SFMBT2: variants seen among roughly 807,000 people sequenced by gnomAD.
The protein encoded by SFMBT2 is scm-like with four MBT domains protein 2.
SFMBT2 carries 38 observed loss-of-function variants against 110.1 expected under a neutral mutation model. The observed-to-expected ratio is 0.35, with a 90% confidence interval of 0.27 to 0.45. SFMBT2 has a LOEUF of 0.45. SFMBT2 is among the 20% of genes least tolerant of loss of function. SFMBT2 has a pLI of 1.00. For missense variants in SFMBT2, 1,011 were observed against 1,094.9 expected (o/e 0.92, Z 1.08); for synonymous variants, 425 against 425.4 (o/e 1.00, Z 0.01).
chr10:7,393,911 A>T (rs143201102), intron 1 of SFMBT2, among the ~76,000 whole-genome samples: 1 of 152,346 alleles, frequency 6.6e-6, no homozygotes, highest in African/African-American at 2.4e-5. Context: ...GAGGAAAATA[A>T]GCCACTCTCT....
chr10:7,299,298 C>T (rs1005685129), intron 4 of SFMBT2, among the ~76,000 whole-genome samples: 4 of 152,078 alleles, frequency 2.6e-5, no homozygotes, highest in Non-Finnish European at 5.9e-5. Flanking sequence ...AGTAAAGAGG[C>T]AACCTACAAA....
At chr10:7,275,677 A>T (rs1385218926) in intron 7 of SFMBT2, among the ~76,000 whole-genome samples, 1 of 152,214 alleles carries the variant, frequency 6.6e-6, no homozygotes, top group Non-Finnish European at 1.5e-5. Context: ...ATCATCATTC[A>T]GTTAAACGTC....
chr10:7,390,576 T>A (rs367646120), intron 1 of SFMBT2, among the ~76,000 whole-genome samples: 5 of 152,284 alleles, frequency 3.3e-5, no homozygotes, highest in African/African-American at 1.2e-4. Flanking sequence ...AGGAAAATCA[T>A]TCCGCCTCAA....
chr10:7,327,331 G>GA (rs1002362023), intron 4 of SFMBT2, among the ~76,000 whole-genome samples: 5 of 150,392 alleles, frequency 3.3e-5, no homozygotes, highest in Middle Eastern at 3.2e-3. Context: ...TCATCACCCC[G>GA]AAAAAAAAAT....
chr10:7,375,637 G>A (rs181889800), intron 2 of SFMBT2, among the ~76,000 whole-genome samples: 176 of 152,168 alleles, frequency 1.2e-3, no homozygotes, highest in Non-Finnish European at 2.2e-3. Flanking sequence ...CCTAGAATCT[G>A]AGCTCACAAC....
intron 1 of SFMBT2, among the ~76,000 whole-genome samples, chr10:7,410,536 C>T (rs935573756): frequency 2.4e-4 from 37 of 151,954 alleles, no homozygotes; most frequent in African/African-American, 8.5e-4. Context: ...CCGCACGGCT[C>T]GGCTTTTCCG....
chr10:7,340,674 A>T (rs1410368822), intron 4 of SFMBT2, among the ~76,000 whole-genome samples: 2 of 151,540 alleles, frequency 1.3e-5, no homozygotes, highest in Non-Finnish European at 2.9e-5. Context: ...AAAAAAAAAA[A>T]AATACTGCAA....
At chr10:7,288,848 G>A (rs1464154636) in intron 4 of SFMBT2, among the ~76,000 whole-genome samples, 1 of 108,574 alleles carries the variant, frequency 9.2e-6, no homozygotes, top group African/African-American at 4.2e-5. Context: ...GGCCAATATG[G>A]TGAAACCCCC....
In SFMBT2 at chr10:7,263,228, A is replaced by ATTTCTTTTCTTTTCT. The variant is rs139395535; in HGVS notation, c.870+13649_870+13663dup. Reference sequence around the variant, plus strand: ...ATCACCTACCATCAAAACAGCCTCTATTTCTTTTCTTTTCTTTTCTTTTCT... The same window carrying ATTTCTTTTCTTTTCT: ...ATCACCTACCATCAAAACAGCCTCTATTTCTTTTCTTTTCTTTTCTTTTCTTTTCTTTTCTTTTCT... On this transcript the variant is annotated intron_variant, in intron 7 of 20. Transcript: ENST00000397167. Among the ~76,000 whole-genome samples, 420 of 151,030 alleles carry ATTTCTTTTCTTTTCT rather than the reference A, an allele frequency of 2.8e-3. 1 individual carries two copies. Among genetic ancestry groups the ATTTCTTTTCTTTTCT allele is most frequent in the African/African-American group, 9.5e-3 (392 of 41,056 alleles).
intron 4 of SFMBT2, among the ~76,000 whole-genome samples, chr10:7,300,625 T>C (rs1333129637): frequency 6.6e-6 from 1 of 152,174 alleles, no homozygotes; most frequent in Non-Finnish European, 1.5e-5. Flanking sequence ...GCCCAGCTGT[T>C]CCCTACCGCT....
At chr10:7,333,478 G>T (rs1445074258) in intron 4 of SFMBT2, among the ~76,000 whole-genome samples, 2 of 149,664 alleles carry the variant, frequency 1.3e-5, no homozygotes, top group Non-Finnish European at 3.0e-5. Context: ...CTACCACCTC[G>T]AATTCCTAGA....
intron 4 of SFMBT2, among the ~76,000 whole-genome samples, chr10:7,339,352 C>G (rs562371635): frequency 7.2e-5 from 11 of 152,174 alleles, no homozygotes; most frequent in Non-Finnish European, 1.5e-4. Context: ...CAAATCAATT[C>G]CACACAAAGG....
intron 4 of SFMBT2, among the ~76,000 whole-genome samples, chr10:7,296,793 AGGCCGTCCTCCCTGACGTGGGTG>A (rs1199545664): frequency 6.6e-6 from 1 of 152,208 alleles, no homozygotes; most frequent in Non-Finnish European, 1.5e-5. Context: ...TGAGTAAAGC[AGGCCGTCCTCCCTGACGTGGGTG>A]GGCCTCACCC....
intron 2 of SFMBT2, among the ~76,000 whole-genome samples, chr10:7,371,685 C>A (rs80109455): frequency 6.6e-6 from 1 of 152,134 alleles, no homozygotes; most frequent in Admixed American, 6.5e-5. Flanking sequence ...AAAATGCACA[C>A]GAGAGTTCCA....
chr10:7,215,752 G>C (rs1839515152), intron 11 of SFMBT2: 1 of 984,816 alleles, frequency 1.0e-6, no homozygotes, highest in Non-Finnish European at 1.2e-6. Context: ...ATCAGGGCCT[G>C]ACCTGCTTCC....
At position 7,273,442 on chromosome 10, in the gene SFMBT2, G is replaced by A. The variant is rs143758398; in HGVS notation, c.870+3450C>T. 9.9e-4 allele frequency among the ~76,000 whole-genome samples: 151 copies of A among 152,204 alleles called. 3 individuals carry two copies. In the East Asian group the frequency reaches 0.021, roughly 21 times the overall value. ...GCTAAGTTGTAAAATCAGAAAACAA[G>A]AACCAACCAACCCCCGCCCACATTT... On this transcript the variant is annotated intron_variant, in intron 7 of 20. Transcript: ENST00000397167.
intron 13 of SFMBT2, among the ~76,000 whole-genome samples, chr10:7,201,779 C>T (rs1838966010): frequency 1.3e-5 from 2 of 152,164 alleles, no homozygotes; most frequent in South Asian, 4.1e-4. Context: ...AACACACTGC[C>T]TGCCTGGACA....
chr10:7,380,533 C>T (rs903671819), intron 2 of SFMBT2, among the ~76,000 whole-genome samples: 2 of 152,164 alleles, frequency 1.3e-5, no homozygotes, highest in Admixed American at 6.5e-5. Context: ...GGACCATGGT[C>T]AAGTGACCTG....
rs981360093 is a variant in SFMBT2 at position 7,201,478 on chromosome 10, C to T, written c.1488-994G>A. On this transcript the variant is annotated intron_variant, in intron 13 of 20. Coordinates refer to ENST00000397167, the MANE Select transcript of SFMBT2 (RefSeq NM_001387889.1). ...CTCTACTTCCCCATCAGGCGGATAA[C>T]GTGGAGTCTGGTTATGAGCCAGATA... 2.6e-5 allele frequency among the ~76,000 whole-genome samples: 4 copies of T among 152,134 alleles called. 1 individual carries two copies. The South Asian group carries it at 8.3e-4, about 32-fold the overall frequency.
Sources: allele counts gnomAD v4.1 joint callset (sites outside exome capture counted in the v4.1 genomes callset), GRCh38; gene constraint gnomAD v4.1.1; transcripts MANE v1.5; gene names NCBI Gene and HGNC (gene_info 2026-07-23, HGNC 2026-07-21).